The following CCDC60 variants were observed in gnomAD, a reference collection of about 807,000 sequenced individuals.
CCDC60 encodes coiled-coil domain containing 60, also known as coiled-coil domain-containing protein 60.
A neutral mutation model predicts 63.5 loss-of-function variants in CCDC60; 54 were observed. The observed-to-expected ratio is 0.85, with a 90% CI of 0.68 to 1.07. CCDC60 has a LOEUF of 1.07. CCDC60 is among the 50% of genes least tolerant of loss of function. CCDC60 has a pLI of 0.00. For missense variants in CCDC60, 651 were observed against 684.3 expected, an observed-to-expected ratio of 0.95 and a Z score of 0.54; for synonymous variants, 206 against 238.8, an observed-to-expected ratio of 0.86 and a Z score of 1.27.
At position 119,401,471 on chromosome 12, in the gene CCDC60, C is replaced by T. The variant is rs61938073; in HGVS notation, c.91-27212C>T. Among the ~76,000 whole-genome samples the T allele has an allele frequency of 3.9e-3, 591 of 152,298 alleles. 3 individuals are homozygous for T. Among genetic ancestry groups the T allele is most frequent in the Non-Finnish European group, 6.6e-3 (449 of 68,022 alleles). ...GCAAGACAAGACGCAATCTTGGCCC[C>T]GAAGGAGCTCAGATCTAGAGGAAGA... On this transcript the variant is annotated intron_variant, in intron 1 of 13. Coordinates refer to ENST00000327554, the MANE Select transcript of CCDC60 (RefSeq NM_178499.5).
chr12:119,522,798 G>C, intron 9 of CCDC60, 141 bp from the exon 10 acceptor site: 2 of 765,574 alleles, frequency 2.6e-6, no homozygotes, highest in Non-Finnish European at 4.7e-6. Flanking sequence ...GAAATTCATA[G>C]AGTTCTGTGA....
intron 1 of CCDC60, among the ~76,000 whole-genome samples, chr12:119,374,006 C>T (rs1169902948): frequency 6.6e-5 from 10 of 150,410 alleles, no homozygotes; most frequent in Non-Finnish European, 1.5e-4. Flanking sequence ...TTTTTCTGCT[C>T]CTGACAGAAC....
At chr12:119,520,222 C>A in intron 9 of CCDC60, 30 bp downstream of exon 9, 1 of 1,593,376 alleles carries the variant, frequency 6.3e-7, no homozygotes, top group Non-Finnish European at 8.6e-7. Context: ...GCAGCAGGTG[C>A]CTCCGAAGGC....
intron 1 of CCDC60, among the ~76,000 whole-genome samples, chr12:119,360,760 G>C (rs531244277): frequency 3.3e-3 from 498 of 152,208 alleles, no homozygotes; most frequent in African/African-American, 0.011. Flanking sequence ...CTGCAATCTC[G>C]GCACTTTGGG....
intron 13 of CCDC60, among the ~76,000 whole-genome samples, chr12:119,537,844 G>A (rs967344626): frequency 6.6e-6 from 1 of 152,204 alleles, no homozygotes; most frequent in Non-Finnish European, 1.5e-5. Context: ...CTACTGGGAG[G>A]TGTCTCCCAG....
In CCDC60 at chr12:119,421,240, G is replaced by C. The variant is rs553204805; in HGVS notation, c.91-7443G>C. ...AGATATTTAGAAAATTGGCTTTCCG[G>C]CCATGACCTCCAACAAATCATTCTG... On this transcript the variant is annotated intron_variant, in intron 1 of 13. Coordinates refer to ENST00000327554, the MANE Select transcript of CCDC60 (RefSeq NM_178499.5). 1.5e-4 allele frequency among the ~76,000 whole-genome samples: 23 copies of C among 152,232 alleles called. No homozygotes were observed. The South Asian group carries it at 4.8e-3, about 32-fold the overall frequency.
chr12:119,349,604 G>T (rs1274368309), intron 1 of CCDC60, among the ~76,000 whole-genome samples: 1 of 151,300 alleles, frequency 6.6e-6, no homozygotes, highest in Admixed American at 6.6e-5. Context: ...CTCCCAAAGT[G>T]CTTGGATTAT....
At chr12:119,444,675 A>G (rs1484856652) in intron 2 of CCDC60, among the ~76,000 whole-genome samples, 1 of 152,218 alleles carries the variant, frequency 6.6e-6, no homozygotes, top group African/African-American at 2.4e-5. Context: ...CAGGTCCTCC[A>G]AGGTCTTAGA....
At chr12:119,349,376 C>G (rs1026044682) in intron 1 of CCDC60, among the ~76,000 whole-genome samples, 11 of 139,912 alleles carry the variant, frequency 7.9e-5, no homozygotes, top group Non-Finnish European at 1.2e-4. Context: ...GACAGAGTCT[C>G]TCTCTGTTGC....
At chr12:119,358,911 G>A (rs1341594383) in intron 1 of CCDC60, among the ~76,000 whole-genome samples, 5 of 152,176 alleles carry the variant, frequency 3.3e-5, no homozygotes, top group African/African-American at 1.2e-4. Flanking sequence ...TGCTATGAAT[G>A]TTTTTTGTAC....
intron 1 of CCDC60, among the ~76,000 whole-genome samples, chr12:119,346,228 G>T (rs1955591425): frequency 6.6e-6 from 1 of 151,312 alleles, no homozygotes; most frequent in South Asian, 2.1e-4. Context: ...TCCCTTGATG[G>T]CACTTGAAAA....
intron 1 of CCDC60, among the ~76,000 whole-genome samples, chr12:119,384,699 A>T (rs1956042618): frequency 6.6e-6 from 1 of 152,136 alleles, no homozygotes; most frequent in South Asian, 2.1e-4. Flanking sequence ...GTCCTGGGAG[A>T]GCAACTTGTT....
intron 1 of CCDC60, among the ~76,000 whole-genome samples, chr12:119,403,274 A>G (rs914195577): frequency 6.6e-6 from 1 of 152,076 alleles, no homozygotes; most frequent in Non-Finnish European, 1.5e-5. Context: ...GAGGTGGAAT[A>G]TTTTGATTGG....
chr12:119,461,217 C>T (rs562383789), intron 2 of CCDC60, among the ~76,000 whole-genome samples: 1 of 152,170 alleles, frequency 6.6e-6, no homozygotes, highest in Non-Finnish European at 1.5e-5. Flanking sequence ...CTAGGTACTA[C>T]AGTAAACTCA....
chr12:119,444,109 A>C (rs1415912453), intron 2 of CCDC60, among the ~76,000 whole-genome samples: 1 of 152,224 alleles, frequency 6.6e-6, no homozygotes, highest in Admixed American at 6.5e-5. Context: ...GTCTGATGGG[A>C]AAATCAGATG....
At chr12:119,436,437 G>A (rs1950326252) in intron 2 of CCDC60, among the ~76,000 whole-genome samples, 1 of 152,048 alleles carries the variant, frequency 6.6e-6, no homozygotes, top group South Asian at 2.1e-4. Flanking sequence ...CTATAGGTGA[G>A]CAGATGCTTT....
At chr12:119,472,605 GA>G (rs1438464276) in intron 3 of CCDC60, among the ~76,000 whole-genome samples, 1 of 125,978 alleles carries the variant, frequency 7.9e-6, no homozygotes, top group Non-Finnish European at 1.6e-5. Flanking sequence ...TTTTGATATG[GA>G]ATCTCGCTCT....
intron 1 of CCDC60, among the ~76,000 whole-genome samples, chr12:119,360,764 C>T (rs1055983917): frequency 2.0e-5 from 3 of 152,100 alleles, no homozygotes; most frequent in Non-Finnish European, 4.4e-5. Flanking sequence ...AATCTCGGCA[C>T]TTTGGGAGGC....
Position 119,500,096 on chromosome 12 carries a change from G to A in CCDC60, c.576G>A (p.Lys192=). 1 of 1,612,400 alleles carries A rather than the reference G, an allele frequency of 6.2e-7. No individual in the cohort carries two copies. Among genetic ancestry groups the A allele is most frequent in the Non-Finnish European group, 8.5e-7 (1 of 1,179,250 alleles). Residue 192 remains lysine (K), a synonymous_variant, in exon 6 of 14, where the codon AAG becomes AAA. Transcript: ENST00000327554. Reference sequence around the variant, plus strand: ...CACTCAGGGACCCGGGTGGAAGCAAGAGCACCATTAAAAAAATCAATAAGG... The same window carrying A: ...CACTCAGGGACCCGGGTGGAAGCAAAAGCACCATTAAAAAAATCAATAAGG... The part of the protein sequence containing the change: ...CWNPKDPGGS[K]STIKKINKDK...
Sources: gnomAD v4.1 joint callset for allele counts (sites outside exome capture counted in the v4.1 genomes callset) on GRCh38, gnomAD v4.1.1 for gene constraint, MANE v1.5 for transcripts, NCBI Gene and HGNC (gene_info 2026-07-23, HGNC 2026-07-21) for gene names.